The following LSAMP variants were observed in gnomAD, a reference collection of about 807,000 sequenced individuals.
LSAMP encodes limbic system associated membrane protein.
In LSAMP, 7 loss-of-function variants were observed where a neutral mutation model predicts 38.6. That is an observed-to-expected ratio of 0.18 (90% confidence interval 0.10 to 0.34). LSAMP has a LOEUF of 0.34. LSAMP is among the 10% of genes least tolerant of loss of function. LSAMP has a pLI of 1.00. For missense variants in LSAMP, 313 were observed against 420.0 expected, an observed-to-expected ratio of 0.75 and a Z score of 2.23; for synonymous variants, 154 against 166.8, an observed-to-expected ratio of 0.92 and a Z score of 0.59.
At chr3:115,971,506 A>G (rs961649867) in intron 3 of LSAMP, among the ~76,000 whole-genome samples, 1 of 152,186 alleles carries the variant, frequency 6.6e-6, no homozygotes, top group African/African-American at 2.4e-5. Context: ...GCACTGACTG[A>G]CCTAATATTA....
intron 1 of LSAMP, among the ~76,000 whole-genome samples, chr3:116,113,704 C>A (rs1328220440): frequency 6.6e-6 from 1 of 151,968 alleles, no homozygotes; most frequent in South Asian, 2.1e-4. Flanking sequence ...GGATTACAGG[C>A]GTGAGCCACC....
intron 3 of LSAMP, among the ~76,000 whole-genome samples, chr3:115,956,044 C>T (rs1938443900): frequency 6.6e-6 from 1 of 152,118 alleles, no homozygotes; most frequent in Non-Finnish European, 1.5e-5. Flanking sequence ...CAGAATGTGA[C>T]TCAGTTCAAC....
At position 115,882,890 on chromosome 3, in the gene LSAMP, A is replaced by G. The variant is rs572526355; in HGVS notation, c.515-30273T>C. On this transcript the variant is annotated intron_variant, in intron 3 of 6. Transcript: ENST00000490035. ...TCATGCTGATAAAAAACAAAACAAA[A>G]CCCTAGCAGCTTTCCCCCACTTGTA... Among the ~76,000 whole-genome samples, 41 of 151,890 alleles carry G rather than the reference A, an allele frequency of 2.7e-4. No individual in the cohort carries two copies. The South Asian group carries it at 8.6e-3, about 32-fold the overall frequency.
At chr3:116,172,336 T>A (rs534761660) in intron 1 of LSAMP, among the ~76,000 whole-genome samples, 134 of 150,794 alleles carry the variant, frequency 8.9e-4, no homozygotes, top group Non-Finnish European at 1.7e-3. Flanking sequence ...ATCAATTTCA[T>A]TATTTTAAGG....
At chr3:116,242,725 C>A (rs1302516149) in intron 1 of LSAMP, among the ~76,000 whole-genome samples, 2 of 151,776 alleles carry the variant, frequency 1.3e-5, no homozygotes, top group African/African-American at 4.8e-5. Flanking sequence ...ATCTTTGCAG[C>A]CCAAACGTGT....
chr3:116,416,069 C>G (rs79590474), intron 1 of LSAMP, among the ~76,000 whole-genome samples: 2 of 152,298 alleles, frequency 1.3e-5, no homozygotes, highest in Non-Finnish European at 2.9e-5. Context: ...TTACAATTCA[C>G]ATGGATTTTT....
intron 1 of LSAMP, among the ~76,000 whole-genome samples, chr3:116,100,537 C>T (rs1038383794): frequency 9.9e-5 from 15 of 152,272 alleles, no homozygotes; most frequent in Admixed American, 5.2e-4. Flanking sequence ...ATCGTCACTT[C>T]CACTGCCTTT....
intron 1 of LSAMP, among the ~76,000 whole-genome samples, chr3:116,347,207 C>T (rs1182691293): frequency 3.3e-5 from 5 of 152,202 alleles, no homozygotes. Flanking sequence ...ACAATCCTTC[C>T]TTCTATTCAC....
intron 3 of LSAMP, among the ~76,000 whole-genome samples, chr3:115,883,347 G>A (rs1359649109): frequency 1.3e-5 from 2 of 151,942 alleles, no homozygotes; most frequent in East Asian, 1.9e-4. Context: ...AAAGTGATTG[G>A]GAACAGAGAG....
chr3:115,819,690 A>G (rs1012561493), intron 6 of LSAMP, among the ~76,000 whole-genome samples: 1 of 152,232 alleles, frequency 6.6e-6, no homozygotes. Flanking sequence ...TATGAAATAT[A>G]CATTTGCTTG....
At chr3:115,869,229 G>A (rs1055339279) in intron 3 of LSAMP, among the ~76,000 whole-genome samples, 2 of 149,586 alleles carry the variant, frequency 1.3e-5, no homozygotes, top group Non-Finnish European at 3.0e-5. Flanking sequence ...GAGATCATTT[G>A]ACATCTCTTG....
intron 1 of LSAMP, among the ~76,000 whole-genome samples, chr3:116,109,646 A>G (rs975651696): frequency 3.9e-5 from 6 of 152,156 alleles, no homozygotes; most frequent in African/African-American, 1.2e-4. Flanking sequence ...TCTAGTTTGT[A>G]TTGGGGTCAA....
At chr3:115,893,630 T>C (rs1375433533) in intron 3 of LSAMP, among the ~76,000 whole-genome samples, 1 of 151,986 alleles carries the variant, frequency 6.6e-6, no homozygotes, top group Non-Finnish European at 1.5e-5. Flanking sequence ...ATTTGCTCTA[T>C]AAAATATTAT....
At chr3:116,189,310 G>T (rs186057357) in intron 1 of LSAMP, among the ~76,000 whole-genome samples, 1 of 152,202 alleles carries the variant, frequency 6.6e-6, no homozygotes, top group East Asian at 1.9e-4. Context: ...AGTGGTGTTG[G>T]CATTTTTGCA....
intron 2 of LSAMP, among the ~76,000 whole-genome samples, chr3:116,031,156 C>T (rs567644287): frequency 2.6e-5 from 4 of 151,932 alleles, no homozygotes; most frequent in South Asian, 4.2e-4. Context: ...CAGAAAGGAC[C>T]CATAAGTGAA....
intron 3 of LSAMP, among the ~76,000 whole-genome samples, chr3:115,872,816 G>A (rs574157601): frequency 8.7e-4 from 133 of 152,258 alleles, no homozygotes; most frequent in African/African-American, 2.9e-3. Context: ...CACACAGGTA[G>A]TGGGAAAGGA....
chr3:116,242,566 C>T (rs962823412), intron 1 of LSAMP, among the ~76,000 whole-genome samples: 7 of 151,910 alleles, frequency 4.6e-5, no homozygotes, highest in Non-Finnish European at 8.8e-5. Flanking sequence ...CCCACTATTC[C>T]GCCTTTCTTT....
chr3:116,220,799 A>T (rs1022218978), intron 1 of LSAMP, among the ~76,000 whole-genome samples: 5 of 152,232 alleles, frequency 3.3e-5, no homozygotes. Flanking sequence ...GCCATTCTGT[A>T]GTCAAAAGAA....
At chr3:116,253,275 A>G (rs1475196524) in intron 1 of LSAMP, among the ~76,000 whole-genome samples, 2 of 152,198 alleles carry the variant, frequency 1.3e-5, no homozygotes, top group Admixed American at 1.3e-4. Flanking sequence ...CGTGATTTGT[A>G]GTAATCAGTT....
Sources: allele counts gnomAD v4.1 joint callset (sites outside exome capture counted in the v4.1 genomes callset), GRCh38; gene constraint gnomAD v4.1.1; transcripts MANE v1.5; gene names NCBI Gene and HGNC (gene_info 2026-07-23, HGNC 2026-07-21).